The following CDH13 variants were observed in gnomAD, a reference collection of about 807,000 sequenced individuals.
CDH13 encodes cadherin 13, also known as cadherin-13.
CDH13 carries 24 observed loss-of-function variants against 63.8 expected under a neutral mutation model. The ratio of observed to expected loss-of-function variants is 0.38; its 90% CI spans 0.27 to 0.53. The LOEUF (loss-of-function observed/expected upper bound fraction) is 0.53. CDH13 is among the 20% of genes least tolerant of loss of function. CDH13 has a pLI of 0.85. For synonymous variants in CDH13, 503 were observed against 355.3 expected (o/e 1.42, Z -4.67); for missense variants, 1,049 against 903.1 (o/e 1.16, Z -2.07).
At chr16:83,581,695 T>C (rs370214396) in intron 7 of CDH13, among the ~76,000 whole-genome samples, 11 of 152,232 alleles carry the variant, frequency 7.2e-5, no homozygotes, top group African/African-American at 2.6e-4. Context: ...GGTATGCCCT[T>C]GTAGTCCCAG....
intron 5 of CDH13, among the ~76,000 whole-genome samples, chr16:83,287,680 C>A (rs1437240244): frequency 2.0e-5 from 3 of 152,104 alleles, no homozygotes; most frequent in African/African-American, 7.2e-5. Context: ...ATAATTATTT[C>A]ATGATGTATT....
chr16:82,880,339 C>T (rs191792432), intron 2 of CDH13, among the ~76,000 whole-genome samples: 46 of 152,160 alleles, frequency 3.0e-4, no homozygotes, highest in African/African-American at 8.7e-4. Context: ...GACTGTCTCT[C>T]GTTTCACTTA....
At chr16:83,399,378 T>A (rs563274391) in intron 6 of CDH13, among the ~76,000 whole-genome samples, 4 of 152,318 alleles carry the variant, frequency 2.6e-5, no homozygotes, top group Non-Finnish European at 5.9e-5. Context: ...TTCATAGAAA[T>A]CTGTGTACTA....
At chr16:83,720,415 G>A (rs748834683) in intron 10 of CDH13, among the ~76,000 whole-genome samples, 10 of 152,134 alleles carry the variant, frequency 6.6e-5, no homozygotes, top group Non-Finnish European at 1.2e-4. Context: ...CATTTATTGA[G>A]CACCTACTGC....
At chr16:83,573,999 G>A (rs756423141) in intron 7 of CDH13, among the ~76,000 whole-genome samples, 36 of 152,220 alleles carry the variant, frequency 2.4e-4, no homozygotes, top group Middle Eastern at 3.4e-3. Context: ...CCCCAGATAC[G>A]CTTGGAGGTA....
chr16:82,856,435 C>T (rs909491847), intron 1 of CDH13, among the ~76,000 whole-genome samples: 9 of 149,358 alleles, frequency 6.0e-5, no homozygotes, highest in African/African-American at 2.2e-4. Flanking sequence ...GGTGCAGTGG[C>T]TCACGCCTGT....
At chr16:83,152,889 G>A (rs927041374) in intron 4 of CDH13, among the ~76,000 whole-genome samples, 5 of 152,066 alleles carry the variant, frequency 3.3e-5, no homozygotes, top group Non-Finnish European at 5.9e-5. Context: ...GGAAAAATAC[G>A]GACATAGACA....
chr16:82,643,209 G>A (rs1909634297), intron 1 of CDH13, among the ~76,000 whole-genome samples: 1 of 152,172 alleles, frequency 6.6e-6, no homozygotes, highest in Admixed American at 6.5e-5. Flanking sequence ...TTTATAGTAT[G>A]TTACACATGT....
chr16:83,187,129 C>G (rs2038550690), intron 4 of CDH13, among the ~76,000 whole-genome samples: 1 of 152,224 alleles, frequency 6.6e-6, no homozygotes, highest in African/African-American at 2.4e-5. Flanking sequence ...TGCCACCACA[C>G]ACAACTAATT....
At chr16:83,416,489 T>A (rs11640711) in intron 6 of CDH13, among the ~76,000 whole-genome samples, 1 of 151,982 alleles carries the variant, frequency 6.6e-6, no homozygotes, top group Non-Finnish European at 1.5e-5. Flanking sequence ...TTCTTGTGCC[T>A]CTCATGTTTA....
chr16:83,198,007 A>T (rs1250050308), intron 4 of CDH13, among the ~76,000 whole-genome samples: 12 of 152,186 alleles, frequency 7.9e-5, no homozygotes, highest in African/African-American at 2.7e-4. Flanking sequence ...AATAAAAGTC[A>T]ATTAAAATAT....
intron 1 of CDH13, among the ~76,000 whole-genome samples, chr16:82,648,849 A>C (rs1220226473): frequency 6.6e-6 from 1 of 152,246 alleles, no homozygotes; most frequent in Non-Finnish European, 1.5e-5. Context: ...TGTATTTCAG[A>C]AAAATTAATC....
intron 2 of CDH13, among the ~76,000 whole-genome samples, chr16:83,031,751 A>C (rs1221304601): frequency 6.6e-6 from 1 of 152,106 alleles, no homozygotes; most frequent in Non-Finnish European, 1.5e-5. Flanking sequence ...CTCCACTGAG[A>C]AGGCACTCAA....
chr16:83,394,041 A>G (rs1204904179), intron 6 of CDH13, among the ~76,000 whole-genome samples: 1 of 152,214 alleles, frequency 6.6e-6, no homozygotes, highest in Non-Finnish European at 1.5e-5. Flanking sequence ...GAGCTAAATG[A>G]TGAGAACACA....
intron 1 of CDH13, among the ~76,000 whole-genome samples, chr16:82,749,199 G>C (rs548752346): frequency 6.6e-6 from 1 of 152,206 alleles, no homozygotes; most frequent in South Asian, 2.1e-4. Flanking sequence ...GAGGAAGGTG[G>C]GAAGAGAGTG....
intron 7 of CDH13, among the ~76,000 whole-genome samples, chr16:83,560,761 G>A (rs962617612): frequency 3.3e-5 from 5 of 152,172 alleles, no homozygotes; most frequent in African/African-American, 9.6e-5. Flanking sequence ...GTCTCTCCAA[G>A]TTTCTATTCC....
chr16:82,882,128 A>G lies in CDH13; in HGVS notation c.157+23655A>G, dbSNP rs552322401. Among the ~76,000 whole-genome samples, 105 of 152,348 alleles carry G rather than the reference A, an allele frequency of 6.9e-4. 1 individual carries two copies. The highest frequency in any genetic ancestry group is 6.8e-3 in the Middle Eastern group (2 of 294). Reference sequence around the variant, plus strand: ...AAAAAAATAAATATCAGGAATTTTTAGAGCATGTAAATTATGATTCAATTC... The same window carrying G: ...AAAAAAATAAATATCAGGAATTTTTGGAGCATGTAAATTATGATTCAATTC... On this transcript the variant is annotated intron_variant, in intron 2 of 13. Transcript: ENST00000567109.
chr16:83,381,848 T>A (rs11642332), intron 6 of CDH13, among the ~76,000 whole-genome samples: 20,586 of 152,164 alleles, frequency 0.14, 1,473 homozygotes, highest in Middle Eastern at 0.16. Flanking sequence ...GTCTAACAAG[T>A]TGCTCCTTAT....
intron 3 of CDH13, among the ~76,000 whole-genome samples, chr16:83,051,786 G>C (rs1032170681): frequency 6.7e-6 from 1 of 149,600 alleles, no homozygotes; most frequent in East Asian, 1.9e-4. Context: ...ATTATTTGTT[G>C]TCTTATGAAG....
Sources: allele counts gnomAD v4.1 joint callset (sites outside exome capture counted in the v4.1 genomes callset), GRCh38; gene constraint gnomAD v4.1.1; transcripts MANE v1.5; gene names NCBI Gene and HGNC (gene_info 2026-07-23, HGNC 2026-07-21).